RIOK2: variants seen among roughly 807,000 people sequenced by gnomAD.
RIOK2 encodes serine/threonine-protein kinase RIO2.
A neutral mutation model predicts 62.4 loss-of-function variants in RIOK2; 46 were observed. The observed-to-expected ratio is 0.74, with a 90% confidence interval of 0.58 to 0.94. The LOEUF (loss-of-function observed/expected upper bound fraction) is 0.94, where lower values mean the gene tolerates loss of function less well. Ranked by LOEUF, RIOK2 falls within the 40% of genes least tolerant of loss-of-function variation. The pLI is 0.00. For synonymous variants in RIOK2, 197 were observed against 216.0 expected, an observed-to-expected ratio of 0.91 and a Z score of 0.77; for missense variants, 574 against 658.0, an observed-to-expected ratio of 0.87 and a Z score of 1.40.
intron 9 of RIOK2, chr5:97,164,841 C>T: frequency 2.8e-6 from 1 of 361,224 alleles, no homozygotes; most frequent in Non-Finnish European, 4.9e-6. Flanking sequence ...CTTCATTTTA[C>T]ACATAATGGT....
chr5:97,166,354 T>G, intron 8 of RIOK2: 2 of 454,808 alleles, frequency 4.4e-6, no homozygotes, highest in Non-Finnish European at 8.8e-6. Context: ...GCAGTAGCCC[T>G]GTGACACAGA....
chr5:97,180,479 T>C (rs1749375982), intron 1 of RIOK2, among the ~76,000 whole-genome samples: 5 of 151,508 alleles, frequency 3.3e-5, no homozygotes, highest in Admixed American at 6.6e-5. Flanking sequence ...GGATAGCATA[T>C]AGAATTCATG....
chr5:97,166,675 T>C, intron 8 of RIOK2: 1 of 647,124 alleles, frequency 1.5e-6, no homozygotes, highest in Non-Finnish European at 1.9e-6. Context: ...CATAATATCA[T>C]TAGATAATTT....
At position 97,171,373 on chromosome 5, in the gene RIOK2, A is replaced by C. The variant is rs765444216; in HGVS notation, c.612T>G (p.Asp204Glu). ...YPLCQIHHVE[D>E]PASVYDEAME... The stretch of plus-strand genomic sequence containing the variant: ...TAGCTTCATCATATACTGATGCAGG[A>C]TCTTCAACATGGTGTATCTGACATC... The change falls in exon 6 of 10, where the codon GAT becomes GAG. Residue 204 changes from aspartate (D) to glutamate (E), a missense_variant. Transcript: ENST00000283109. 2.6e-6 allele frequency: 4 copies of C among 1,552,454 alleles called. No homozygotes were observed. Among genetic ancestry groups the C allele is most frequent in the Non-Finnish European group, 1.7e-6 (2 of 1,149,248 alleles).
intron 1 of RIOK2, 80 bp downstream of exon 1, chr5:97,183,046 G>C (rs189083111): frequency 1.4e-6 from 2 of 1,469,272 alleles, no homozygotes; most frequent in East Asian, 2.3e-5. Context: ...TGCCTGCTCA[G>C]ATCCCAGAAA....
intron 1 of RIOK2, among the ~76,000 whole-genome samples, chr5:97,181,565 T>C (rs1436669501): frequency 2.0e-5 from 3 of 152,136 alleles, no homozygotes; most frequent in African/African-American, 7.2e-5. Flanking sequence ...GTACCAACAC[T>C]GGTGAGATTC....
Position 97,177,755 on chromosome 5 carries a change from TG to T in RIOK2, c.298del (p.Gln100ArgfsTer23). On this transcript the variant is annotated frameshift_variant, in exon 3 of 10. Coordinates refer to ENST00000283109, the MANE Select transcript of RIOK2 (RefSeq NM_018343.3). LOFTEE classifies it high-confidence loss of function. ...SRQVVESVGN[Q>X]MGVGKESDIY... ...ACCTGATTCTTTGCCAACACCCATC[TG>T]GTTTCCAACAGACTCAACTACTTGC... The T allele has an allele frequency of 6.2e-7, 1 of 1,609,328 alleles. No individual in the cohort carries two copies. Among genetic ancestry groups the T allele is most frequent in the Non-Finnish European group, 8.5e-7 (1 of 1,175,850 alleles).
At chr5:97,168,095 G>A in intron 7 of RIOK2, 104 bp from the exon 8 acceptor site, 1 of 1,146,126 alleles carries the variant, frequency 8.7e-7, no homozygotes, top group Non-Finnish European at 1.2e-6. Flanking sequence ...GAGTTTAATA[G>A]CTTATATGTT....
rs762476518 is a variant in RIOK2, at chr5:97,183,241, G to C, written c.-50C>G. 5 of 1,590,624 alleles carry C rather than the reference G, an allele frequency of 3.1e-6. No individual in the cohort carries two copies. Among genetic ancestry groups the C allele is most frequent in the African/African-American group, 1.5e-5 (1 of 68,778 alleles). On this transcript the variant is annotated 5_prime_UTR_variant, in exon 1 of 10. Transcript: ENST00000283109. ...GCCTCTCCGACGACAGCCGCAAAGC[G>C]TAAGGCAGGTCGTTATTCCAGCCTC...
Position 97,168,833 on chromosome 5 carries a change from T to C in RIOK2, c.799A>G (p.Lys267Glu), listed in dbSNP as rs749608925. The change falls in exon 7 of 10, where the codon AAA (lysine) becomes GAA (glutamate). Residue 267 changes from lysine (K) to glutamate (E), a missense_variant. By Grantham distance (56) the Lys-to-Glu change is moderately conservative. Transcript: ENST00000283109. Reference sequence around the variant, plus strand: ...TTCATAAAGAAATCTTTAATGCATTTAACATCTCTGTCAAAATACCTGCAA... The same window carrying C: ...TTCATAAAGAAATCTTTAATGCATTCAACATCTCTGTCAAAATACCTGCAA... ...NAEWYFDRDV[K>E]CIKDFFMKRF... is the part of the protein sequence containing the mutation. 3.8e-6 allele frequency: 6 copies of C among 1,589,622 alleles called. No individual in the cohort carries two copies. The Admixed American group carries it at 5.6e-5, about 15-fold the overall frequency.
chr5:97,183,033 G>A (rs950905605), intron 1 of RIOK2, 93 bp downstream of exon 1: 3 of 1,317,862 alleles, frequency 2.3e-6, no homozygotes, highest in Non-Finnish European at 3.3e-6. Context: ...GGGTCCCAGA[G>A]TGTGCCTGCT....
chr5:97,163,044 C>A lies in RIOK2; in HGVS notation c.*17G>T. ...ACTTTAAAAAATATATTAAACATAT[C>A]CAAGATCCTAAATATATTATTCTCC... On this transcript the variant is annotated 3_prime_UTR_variant, in exon 10 of 10. Coordinates refer to ENST00000283109, the MANE Select transcript of RIOK2 (RefSeq NM_018343.3). The A allele has an allele frequency of 6.3e-7, 1 of 1,587,656 alleles. No homozygotes were observed. Among genetic ancestry groups the A allele is most frequent in the South Asian group, 1.1e-5 (1 of 87,966 alleles).
At position 97,168,857 on chromosome 5, in the gene RIOK2, A is replaced by G. The variant is rs1280144708; in HGVS notation, c.780-5T>C. On this transcript the variant is annotated splice_polypyrimidine_tract_variant and splice_region_variant and intron_variant, in intron 6 of 9. Transcript: ENST00000283109. Reference sequence around the variant, plus strand: ...TTAACATCTCTGTCAAAATACCTGCAAAAGCAAGAATCATTTATGATATAG... The same window carrying G: ...TTAACATCTCTGTCAAAATACCTGCGAAAGCAAGAATCATTTATGATATAG... 25 of 1,541,120 alleles carry G rather than the reference A, an allele frequency of 1.6e-5. 1 individual carries two copies. The Admixed American group carries it at 4.8e-4, about 30-fold the overall frequency.
intron 4 of RIOK2, among the ~76,000 whole-genome samples, chr5:97,176,359 T>G (rs1454765293): frequency 6.6e-6 from 1 of 152,194 alleles, no homozygotes; most frequent in South Asian, 2.1e-4. Flanking sequence ...TTTTGTTTTT[T>G]GAGACAGAGT....
intron 1 of RIOK2, among the ~76,000 whole-genome samples, chr5:97,181,089 T>C (rs1031105876): frequency 4.6e-5 from 7 of 151,778 alleles, no homozygotes; most frequent in African/African-American, 1.7e-4. Context: ...CTGGCCAACA[T>C]GGTGAAACCC....
chr5:97,183,123 T>TA lies in RIOK2; in HGVS notation c.66+2dup, dbSNP rs1249484652. On this transcript the variant is annotated splice_region_variant and intron_variant, in intron 1 of 9. Coordinates refer to ENST00000283109, the MANE Select transcript of RIOK2 (RefSeq NM_018343.3). ...GGGAGAACAGGAACGGCGGGTTTCTTACCGCGGTCAAGACCCTGAAGTCAT... is the reference window on the plus strand; with the variant it reads ...GGGAGAACAGGAACGGCGGGTTTCTTAACCGCGGTCAAGACCCTGAAGTCAT... 1 of 1,613,960 alleles carries TA rather than the reference T, an allele frequency of 6.2e-7. No individual in the cohort carries two copies. Among genetic ancestry groups the TA allele is most frequent in the Non-Finnish European group, 8.5e-7 (1 of 1,179,976 alleles).
At position 97,161,463 on chromosome 5, in the gene RIOK2, C is replaced by A. The variant is rs1580262032; in HGVS notation, c.*1598G>T. On this transcript the variant is annotated 3_prime_UTR_variant, in exon 10 of 10. Coordinates refer to ENST00000283109, the MANE Select transcript of RIOK2 (RefSeq NM_018343.3). The stretch of plus-strand genomic sequence containing the variant: ...ATACCTTAGTTTTCAACAACCAAAA[C>A]AACATATCCAAAAAAAACTAAATTC... 1 of 152,164 alleles carries A rather than the reference C, an allele frequency of 6.6e-6. No homozygotes were observed. The highest frequency in any genetic ancestry group is 1.9e-4 in the East Asian group (1 of 5,182). The allele number at this position is 152,164 out of a possible 1,614,324, so 9.4% of individuals were successfully genotyped here.
At chr5:97,178,652 G>A (rs1458948132) in intron 2 of RIOK2, among the ~76,000 whole-genome samples, 4 of 110,716 alleles carry the variant, frequency 3.6e-5, no homozygotes, top group African/African-American at 1.8e-4. Context: ...TACTCTACAT[G>A]CTCTTCTGCA....
chr5:97,173,691 T>C (rs1368055060), intron 4 of RIOK2, among the ~76,000 whole-genome samples: 1 of 152,210 alleles, frequency 6.6e-6, no homozygotes, highest in African/African-American at 2.4e-5. Context: ...ATTTAGGAAA[T>C]ACTCATCTTC....
Sources: allele counts gnomAD v4.1 joint callset (sites outside exome capture counted in the v4.1 genomes callset), GRCh38; gene constraint gnomAD v4.1.1; transcripts MANE v1.5; gene names NCBI Gene and HGNC (gene_info 2026-07-23, HGNC 2026-07-21).